SLC18A1: variants seen among roughly 807,000 people sequenced by gnomAD.
SLC18A1 encodes solute carrier family 18 member A1.
A neutral mutation model predicts 53.7 loss-of-function variants in SLC18A1; 69 were observed. The ratio of observed to expected loss-of-function variants is 1.28; its 90% confidence interval spans 1.06 to 1.57. The LOEUF (loss-of-function observed/expected upper bound fraction) is 1.57. Among genes scored for constraint, SLC18A1 ranks in the 40% most tolerant of loss-of-function variants. SLC18A1 has a pLI of 0.00. For missense variants in SLC18A1, 932 were observed against 668.1 expected, an observed-to-expected ratio of 1.40 and a Z score of -4.35; for synonymous variants, 320 against 248.1, an observed-to-expected ratio of 1.29 and a Z score of -2.72.
At position 20,166,513 on chromosome 8, in the gene SLC18A1, A is replaced by G. The variant is rs116314634; in HGVS notation, c.859-1406T>C. On this transcript the variant is annotated intron_variant, in intron 8 of 15. Coordinates refer to ENST00000276373, the MANE Select transcript of SLC18A1 (RefSeq NM_003053.4). The stretch of plus-strand genomic sequence containing the variant: ...CGATTTATTTTGAGGAAAAAACACT[A>G]AGACACAGGAAAGACAAACCAGAAG... Among the ~76,000 whole-genome samples, 618 of 151,816 alleles carry G rather than the reference A, an allele frequency of 4.1e-3. 4 individuals are homozygous for G. Among genetic ancestry groups the G allele is most frequent in the African/African-American group, 0.014 (598 of 41,418 alleles).
chr8:20,178,551 A>G, intron 3 of SLC18A1, 58 bp from the exon 4 acceptor site: 2 of 1,290,260 alleles, frequency 1.6e-6, no homozygotes, highest in South Asian at 2.7e-5. Flanking sequence ...ACATACATGG[A>G]CTACATTTTT....
At chr8:20,176,186 C>A (rs962678983) in intron 4 of SLC18A1, among the ~76,000 whole-genome samples, 1 of 152,068 alleles carries the variant, frequency 6.6e-6, no homozygotes, top group South Asian at 2.1e-4. Context: ...TTAATGTCTT[C>A]CTTTGGTGGT....
chr8:20,164,246 A>C (rs574148213), intron 10 of SLC18A1, among the ~76,000 whole-genome samples: 1 of 152,112 alleles, frequency 6.6e-6, no homozygotes, highest in Admixed American at 6.5e-5. Context: ...CCTCCTCTCC[A>C]AGCTCCTCTC....
At chr8:20,161,502 T>C (rs1430798928) in intron 10 of SLC18A1, among the ~76,000 whole-genome samples, 3 of 152,044 alleles carry the variant, frequency 2.0e-5, no homozygotes, top group Non-Finnish European at 4.4e-5. Context: ...GTGTAGATTA[T>C]ATGCAAATAC....
At chr8:20,153,028 C>T (rs1197963712) in intron 10 of SLC18A1, among the ~76,000 whole-genome samples, 1 of 152,100 alleles carries the variant, frequency 6.6e-6, no homozygotes, top group Non-Finnish European at 1.5e-5. Flanking sequence ...GCAAAGTCAA[C>T]CACTGAGAAT....
intron 12 of SLC18A1, 28 bp downstream of exon 12, chr8:20,149,648 C>T (rs369220423): frequency 6.3e-7 from 1 of 1,587,650 alleles, no homozygotes; most frequent in Non-Finnish European, 8.6e-7. Context: ...CTCTCTCCTT[C>T]CCCTCCCCCA....
chr8:20,171,705 C>CGT (rs1392364502), intron 6 of SLC18A1, among the ~76,000 whole-genome samples: 2 of 142,174 alleles, frequency 1.4e-5, no homozygotes, highest in Non-Finnish European at 3.0e-5. Context: ...TGTGTGTGTG[C>CGT]GCGCGCGTGT....
intron 12 of SLC18A1, chr8:20,148,383 A>G: frequency 1.8e-6 from 2 of 1,093,446 alleles, no homozygotes; most frequent in African/African-American, 3.2e-5. Context: ...TGTTCCATGG[A>G]TACTTTCTCC....
At chr8:20,147,075 G>GGAAAT (rs1426743068) in intron 15 of SLC18A1, among the ~76,000 whole-genome samples, 183 bp downstream of exon 15, 1 of 152,050 alleles carries the variant, frequency 6.6e-6, no homozygotes. Context: ...CTTAGAGAAG[G>GGAAAT]GAAATTAAGG....
intron 4 of SLC18A1, among the ~76,000 whole-genome samples, chr8:20,176,561 T>C (rs2072257733): frequency 6.6e-6 from 1 of 152,180 alleles, no homozygotes; most frequent in Non-Finnish European, 1.5e-5. Flanking sequence ...ACCCTTTACA[T>C]GGGCCACCAT....
At chr8:20,146,947 G>A (rs1397591178) in intron 15 of SLC18A1, among the ~76,000 whole-genome samples, 1 of 152,054 alleles carries the variant, frequency 6.6e-6, no homozygotes, top group Admixed American at 6.6e-5. Flanking sequence ...CTCACATCTT[G>A]CTAGTAACTA....
At chr8:20,148,185 A>C in intron 12 of SLC18A1, 115 bp from the exon 13 acceptor site, 1 of 870,630 alleles carries the variant, frequency 1.1e-6, no homozygotes, top group Non-Finnish European at 1.9e-6. Flanking sequence ...GGCCACATAC[A>C]TCATCCTCCT....
rs1399764873 is a variant in SLC18A1 at position 20,164,728 on chromosome 8, C to G, written c.1015+141G>C. 4 of 643,056 alleles carry G rather than the reference C, an allele frequency of 6.2e-6. No individual in the cohort carries two copies. In the Admixed American group the frequency reaches 1.2e-4, roughly 19 times the overall value. 39.8% of individuals were successfully genotyped at this position (643,056 alleles called of 1,614,324 possible). A position where few individuals can be genotyped will look rare whatever the true frequency, so the allele number is the denominator to read the frequency against. ...GCTTCTCTGAGGGACCACACACCCT[C>G]TTGGGCTTGATTCATGGGTGTGGAC... On this transcript the variant is annotated intron_variant, in intron 10 of 15. Transcript: ENST00000276373.
Position 20,174,421 on chromosome 8 carries a change from T to G in SLC18A1, c.571A>C (p.Thr191Pro), listed in dbSNP as rs768232419. 2 of 1,613,364 alleles carry G rather than the reference T, an allele frequency of 1.2e-6. No individual in the cohort carries two copies. Among genetic ancestry groups the G allele is most frequent in the African/African-American group, 2.7e-5 (2 of 74,742 alleles). Residue 191 changes from threonine (T) to proline (P), a missense_variant, in exon 5 of 16, where the codon ACT becomes CCT. Thr to Pro is a conservative substitution (Grantham distance 38). Coordinates refer to ENST00000276373, the MANE Select transcript of SLC18A1 (RefSeq NM_003053.4). Reference sequence around the variant, plus strand: ...AGGGTTCGGGCCACAAAGAGTAGAGTATAGGTCCCAGAAAAAGCAAACACT... The same window carrying G: ...AGGGTTCGGGCCACAAAGAGTAGAGGATAGGTCCCAGAAAAAGCAAACACT... ...TVMFAFSGTY[T>P]LLFVARTLQG...
intron 8 of SLC18A1, among the ~76,000 whole-genome samples, chr8:20,168,254 C>G (rs1447938539): frequency 6.6e-6 from 1 of 151,584 alleles, no homozygotes; most frequent in African/African-American, 2.4e-5. Flanking sequence ...GTAGTCTCAG[C>G]TACTCAAGAA....
chr8:20,171,273 A>G, intron 7 of SLC18A1, 127 bp from the exon 8 acceptor site: 1 of 1,315,546 alleles, frequency 7.6e-7, no homozygotes, highest in South Asian at 1.2e-5. Flanking sequence ...TTTCTTTTCT[A>G]CAACGGGGCA....
chr8:20,177,669 G>A lies in SLC18A1; in HGVS notation c.547+766C>T, dbSNP rs577321532. On this transcript the variant is annotated intron_variant, in intron 4 of 15. Transcript: ENST00000276373. ...AGAAAAGAAAAGAAAAGAAAAACGC[G>A]AGGGAGAAGGAGGTGTGTTGTTGGA... Among the ~76,000 whole-genome samples, 6 of 152,248 alleles carry A rather than the reference G, an allele frequency of 3.9e-5. No homozygotes were observed. The East Asian group carries it at 5.8e-4, about 15-fold the overall frequency.
rs202158461 is a variant in SLC18A1 at position 20,150,727 on chromosome 8, C to A, written c.1033G>T (p.Ala345Ser). Residue 345 changes from alanine to serine, a missense_variant, in exon 11 of 16, where the codon GCC (alanine) becomes TCC (serine). Coordinates refer to ENST00000276373, the MANE Select transcript of SLC18A1 (RefSeq NM_003053.4). ...KWQLGLAFLP[A>S]SVSYLIGTNL... ...GTGCCAATGAGGTAGGACACACTGGCAGGCAAGAAAGCTAGACCTGTGGAA... is the reference window on the plus strand; with the variant it reads ...GTGCCAATGAGGTAGGACACACTGGAAGGCAAGAAAGCTAGACCTGTGGAA... 3.1e-6 allele frequency: 5 copies of A among 1,614,042 alleles called. No individual in the cohort carries two copies. The highest frequency in any genetic ancestry group is 3.4e-6 in the Non-Finnish European group (4 of 1,180,008).
At chr8:20,167,844 A>G (rs969892372) in intron 8 of SLC18A1, among the ~76,000 whole-genome samples, 1 of 151,750 alleles carries the variant, frequency 6.6e-6, no homozygotes, top group South Asian at 2.1e-4. Flanking sequence ...GATGGTCTCA[A>G]TCTCCTGACC....
Sources: gnomAD v4.1 joint callset for allele counts (sites outside exome capture counted in the v4.1 genomes callset) on GRCh38, gnomAD v4.1.1 for gene constraint, MANE v1.5 for transcripts, NCBI Gene and HGNC (gene_info 2026-07-23, HGNC 2026-07-21) for gene names.